Variants in PTPRT observed in about 807,000 individuals in gnomAD.
The protein encoded by PTPRT is protein tyrosine phosphatase receptor type T.
PTPRT carries 56 observed loss-of-function variants against 176.8 expected under a neutral mutation model. The observed-to-expected ratio is 0.32, with a 90% CI of 0.26 to 0.40. The LOEUF (loss-of-function observed/expected upper bound fraction) is 0.40. PTPRT is among the 10% of genes least tolerant of loss of function. PTPRT has a pLI of 1.00. For missense variants in PTPRT, 1,540 were observed against 1,908.2 expected, an observed-to-expected ratio of 0.81 and a Z score of 3.60; for synonymous variants, 783 against 739.0, an observed-to-expected ratio of 1.06 and a Z score of -0.96.
intron 1 of PTPRT, among the ~76,000 whole-genome samples, chr20:43,156,198 C>A (rs985551638): frequency 5.3e-5 from 8 of 152,180 alleles, no homozygotes; most frequent in African/African-American, 1.7e-4. Context: ...CTGATCAGCA[C>A]TGGGGACAGG....
At chr20:43,071,425 C>T (rs2011178880) in intron 1 of PTPRT, among the ~76,000 whole-genome samples, 1 of 152,130 alleles carries the variant, frequency 6.6e-6, no homozygotes, top group Non-Finnish European at 1.5e-5. Context: ...CAGAGTGCAG[C>T]CTCAATTAAA....
At chr20:42,280,364 C>T (rs964469691) in intron 13 of PTPRT, among the ~76,000 whole-genome samples, 5 of 152,084 alleles carry the variant, frequency 3.3e-5, no homozygotes, top group African/African-American at 4.8e-5. Context: ...GAACTGTGTC[C>T]GACTGACATT....
At position 42,887,068 on chromosome 20, in the gene PTPRT, G is replaced by A. The variant is rs558868494; in HGVS notation, c.89-1136C>T. 2.4e-4 allele frequency among the ~76,000 whole-genome samples: 36 copies of A among 152,258 alleles called. No individual in the cohort carries two copies. In the South Asian group the frequency reaches 2.5e-3, roughly 11 times the overall value. On this transcript the variant is annotated intron_variant, in intron 1 of 30. Coordinates refer to ENST00000373187, the MANE Select transcript of PTPRT (RefSeq NM_007050.6). ...TTCTTGTCTCTTTAATGTTCACAGG[G>A]TGCATCACATCACCATCCTCCTCCT...
chr20:42,100,535 T>G (rs1985832402), intron 26 of PTPRT, among the ~76,000 whole-genome samples: 2 of 152,164 alleles, frequency 1.3e-5, no homozygotes, highest in African/African-American at 4.8e-5. Context: ...GCATCAGAGC[T>G]TGGCAGAAGG....
At chr20:42,816,102 C>A (rs2145636345) in intron 2 of PTPRT, among the ~76,000 whole-genome samples, 1 of 152,288 alleles carries the variant, frequency 6.6e-6, no homozygotes, top group East Asian at 1.9e-4. Flanking sequence ...CTGTGAAAAG[C>A]CACCTCATCT....
At chr20:42,317,700 G>C (rs1346652656) in intron 11 of PTPRT, among the ~76,000 whole-genome samples, 2 of 152,174 alleles carry the variant, frequency 1.3e-5, no homozygotes, top group East Asian at 1.9e-4. Flanking sequence ...AGGAAAAAAG[G>C]CTATGGAGAA....
At chr20:42,601,598 T>C (rs1233854701) in intron 7 of PTPRT, among the ~76,000 whole-genome samples, 6 of 152,184 alleles carry the variant, frequency 3.9e-5, no homozygotes, top group Non-Finnish European at 1.5e-5. Flanking sequence ...CATTAAATAG[T>C]CTACTATAAG....
intron 13 of PTPRT, among the ~76,000 whole-genome samples, chr20:42,254,287 C>T (rs2056599235): frequency 6.6e-6 from 1 of 152,184 alleles, no homozygotes; most frequent in Non-Finnish European, 1.5e-5. Flanking sequence ...AGCCTTGCTA[C>T]TCAAAAAGTG....
At chr20:42,415,925 G>C (rs966934008) in intron 9 of PTPRT, among the ~76,000 whole-genome samples, 1 of 152,120 alleles carries the variant, frequency 6.6e-6, no homozygotes, top group Non-Finnish European at 1.5e-5. Flanking sequence ...GAGTAAAGAG[G>C]TTAGAATGCA....
At chr20:42,211,117 C>T (rs1407403519) in intron 15 of PTPRT, among the ~76,000 whole-genome samples, 2 of 152,168 alleles carry the variant, frequency 1.3e-5, no homozygotes, top group African/African-American at 4.8e-5. Flanking sequence ...AACTGGATCC[C>T]TTCCTTACAC....
chr20:42,147,696 G>A (rs1988933735), intron 17 of PTPRT, among the ~76,000 whole-genome samples: 1 of 152,210 alleles, frequency 6.6e-6, no homozygotes, highest in Admixed American at 6.5e-5. Flanking sequence ...AAACAGTTGT[G>A]ATAAGTGGGT....
At chr20:42,727,071 C>T (rs59474447) in intron 6 of PTPRT, among the ~76,000 whole-genome samples, 13,423 of 152,168 alleles carry the variant, frequency 0.088, 655 homozygotes, top group Admixed American at 0.11. Flanking sequence ...TCTCTGATCA[C>T]GACGCCCATC....
intron 1 of PTPRT, among the ~76,000 whole-genome samples, chr20:42,941,088 A>AAAAAATAATACTAAT (rs1555807280): frequency 6.6e-6 from 1 of 150,400 alleles, no homozygotes; most frequent in African/African-American, 2.4e-5. Context: ...TCTCAAAAAA[A>AAAAAATAATACTAAT]AATAATAATA....
chr20:42,336,079 C>A (rs957268155), intron 11 of PTPRT, among the ~76,000 whole-genome samples: 1 of 152,060 alleles, frequency 6.6e-6, no homozygotes, highest in African/African-American at 2.4e-5. Context: ...AACTTAAAAT[C>A]TTAGCAAGCT....
chr20:42,094,994 G>A (rs1985049848), intron 27 of PTPRT, among the ~76,000 whole-genome samples: 1 of 152,138 alleles, frequency 6.6e-6, no homozygotes, highest in South Asian at 2.1e-4. Flanking sequence ...GCTTCTCAAA[G>A]TGCTAGGTAA....
Position 42,474,543 on chromosome 20 carries a change from C to T in PTPRT, c.1154-1981G>A, listed in dbSNP as rs527630686. ...TATTCATGCTCACAGGTCCTTTGGGCAAAGCAGAGCCAGCATCCCCAAATC... is the reference window on the plus strand; with the variant it reads ...TATTCATGCTCACAGGTCCTTTGGGTAAAGCAGAGCCAGCATCCCCAAATC... On this transcript the variant is annotated intron_variant, in intron 7 of 30. Transcript: ENST00000373187. Among the ~76,000 whole-genome samples, 98 of 152,228 alleles carry T rather than the reference C, an allele frequency of 6.4e-4. 1 individual carries two copies. The highest frequency in any genetic ancestry group is 2.3e-3 in the Admixed American group (35 of 15,302).
intron 16 of PTPRT, among the ~76,000 whole-genome samples, chr20:42,169,080 G>T (rs773798377): frequency 6.6e-6 from 1 of 152,164 alleles, no homozygotes; most frequent in African/African-American, 2.4e-5. Flanking sequence ...GAACAGAAAA[G>T]AAATGCTTCC....
chr20:42,086,917 T>C (rs1984023106), intron 27 of PTPRT, among the ~76,000 whole-genome samples: 1 of 150,654 alleles, frequency 6.6e-6, no homozygotes, highest in Non-Finnish European at 1.5e-5. Context: ...TGACAGATCT[T>C]GCCTATGATT....
chr20:42,582,575 T>G (rs1039720550), intron 7 of PTPRT, among the ~76,000 whole-genome samples: 2 of 152,196 alleles, frequency 1.3e-5, no homozygotes, highest in Non-Finnish European at 2.9e-5. Context: ...GGGAGGGACA[T>G]CTTTTTGCAA....
Sources: allele counts gnomAD v4.1 joint callset (sites outside exome capture counted in the v4.1 genomes callset), GRCh38; gene constraint gnomAD v4.1.1; transcripts MANE v1.5; gene names NCBI Gene and HGNC (gene_info 2026-07-23, HGNC 2026-07-21).